FBXL17: variants seen among roughly 807,000 people sequenced by gnomAD.
FBXL17 encodes F-box/LRR-repeat protein 17.
In FBXL17, 22 loss-of-function variants were observed where a neutral mutation model predicts 66.2. The ratio of observed to expected loss-of-function variants is 0.33; its 90% CI spans 0.24 to 0.47. FBXL17 has a LOEUF of 0.47. Among genes scored for constraint, FBXL17 ranks in the 20% least tolerant of loss-of-function variants. The pLI, the probability that FBXL17 is intolerant of heterozygous loss-of-function variation, is 1.00. For missense variants in FBXL17, 878 were observed against 948.2 expected (o/e 0.93, Z 0.97); for synonymous variants, 474 against 400.5 (o/e 1.18, Z -2.19).
chr5:108,189,385 A>T (rs1465023858), intron 5 of FBXL17, among the ~76,000 whole-genome samples: 2 of 151,994 alleles, frequency 1.3e-5, no homozygotes, highest in Non-Finnish European at 2.9e-5. Context: ...GAAAAAAAGC[A>T]CAAGTCTCAG....
chr5:107,986,374 A>G (rs1274588282), intron 7 of FBXL17, among the ~76,000 whole-genome samples: 6 of 151,792 alleles, frequency 4.0e-5, no homozygotes, highest in Admixed American at 6.6e-5. Flanking sequence ...AAGGCTAAAA[A>G]AATTATAAGA....
Position 108,081,597 on chromosome 5 carries a change from T to C in FBXL17, c.1746-60596A>G, listed in dbSNP as rs560107630. On this transcript the variant is annotated intron_variant, in intron 6 of 8. Transcript: ENST00000542267. ...AAGTAGCCGGCCGTGGTGGCAGGCG[T>C]CTGTAGTCCCAGCTACTCGGGAGGC... Among the ~76,000 whole-genome samples, 50 of 152,028 alleles carry C rather than the reference T, an allele frequency of 3.3e-4. No homozygotes were observed. The South Asian group carries it at 7.9e-3, about 24-fold the overall frequency.
At chr5:107,969,747 C>T (rs1316357067) in intron 7 of FBXL17, among the ~76,000 whole-genome samples, 1 of 152,046 alleles carries the variant, frequency 6.6e-6, no homozygotes, top group African/African-American at 2.4e-5. Flanking sequence ...TAAACTACTG[C>T]TTGATCTTCC....
At chr5:108,369,282 A>T (rs1252403318) in intron 1 of FBXL17, among the ~76,000 whole-genome samples, 2 of 152,196 alleles carry the variant, frequency 1.3e-5, no homozygotes, top group Admixed American at 6.5e-5. Flanking sequence ...TTACCTAGCT[A>T]TAACCCAGTA....
chr5:108,315,272 C>G (rs554156686), intron 4 of FBXL17, among the ~76,000 whole-genome samples: 3 of 151,170 alleles, frequency 2.0e-5, no homozygotes, highest in Admixed American at 2.0e-4. Flanking sequence ...AGAAAATCAG[C>G]TTTAGTAACA....
intron 7 of FBXL17, among the ~76,000 whole-genome samples, chr5:107,885,757 G>A (rs1748944299): frequency 6.9e-6 from 1 of 144,680 alleles, no homozygotes. Flanking sequence ...CAAGTAACAG[G>A]AGAAGCATAA....
At chr5:108,107,598 G>T (rs1340240046) in intron 6 of FBXL17, among the ~76,000 whole-genome samples, 1 of 151,902 alleles carries the variant, frequency 6.6e-6, no homozygotes, top group African/African-American at 2.4e-5. Flanking sequence ...AGATCACGAG[G>T]TCAGGAGATT....
intron 7 of FBXL17, among the ~76,000 whole-genome samples, chr5:107,942,676 G>A (rs1380473248): frequency 1.3e-5 from 2 of 151,586 alleles, no homozygotes; most frequent in African/African-American, 4.9e-5. Context: ...TACTACTCTG[G>A]GATTTTGTCC....
At chr5:107,862,232 C>CTAA (rs1748143446) in intron 8 of FBXL17, among the ~76,000 whole-genome samples, 1 of 151,852 alleles carries the variant, frequency 6.6e-6, no homozygotes, top group Non-Finnish European at 1.5e-5. Flanking sequence ...ACCCGACAGC[C>CTAA]TTTTTAGGAC....
At chr5:108,155,590 C>G (rs997319868) in intron 6 of FBXL17, among the ~76,000 whole-genome samples, 1 of 152,126 alleles carries the variant, frequency 6.6e-6, no homozygotes, top group East Asian at 1.9e-4. Flanking sequence ...ACTCTCTGAA[C>G]TTTGAACAAT....
chr5:107,987,385 G>A (rs1041787072), intron 7 of FBXL17, among the ~76,000 whole-genome samples: 1 of 151,580 alleles, frequency 6.6e-6, no homozygotes, highest in African/African-American at 2.4e-5. Context: ...TACCTCCCTG[G>A]TGCTAAAGCC....
At chr5:108,118,119 T>C (rs2149961190) in intron 6 of FBXL17, among the ~76,000 whole-genome samples, 1 of 152,310 alleles carries the variant, frequency 6.6e-6, no homozygotes, top group South Asian at 2.1e-4. Flanking sequence ...AAGCCACTGT[T>C]TGTGCTTTCC....
rs549917052 is a variant in FBXL17 at position 108,379,776 on chromosome 5, A to T, written c.993+923T>A. Among the ~76,000 whole-genome samples the T allele has an allele frequency of 2.1e-3, 325 of 152,356 alleles. 1 individual carries two copies. Among genetic ancestry groups the T allele is most frequent in the African/African-American group, 7.6e-3 (316 of 41,584 alleles). ...ATAATAACTTAATAAAAACTCTATT[A>T]TGTAACTAAAGTTTGTCACTAGCAT... On this transcript the variant is annotated intron_variant, in intron 1 of 8. Coordinates refer to ENST00000542267, the MANE Select transcript of FBXL17 (RefSeq NM_001163315.3).
At chr5:108,150,109 T>A (rs1162190751) in intron 6 of FBXL17, among the ~76,000 whole-genome samples, 1 of 152,230 alleles carries the variant, frequency 6.6e-6, no homozygotes, top group East Asian at 1.9e-4. Context: ...CATTTGAAAG[T>A]AAATTTCAAA....
chr5:108,168,899 A>C (rs1200551496), intron 6 of FBXL17, among the ~76,000 whole-genome samples: 3 of 152,224 alleles, frequency 2.0e-5, no homozygotes, highest in Non-Finnish European at 4.4e-5. Context: ...ATTAAACATA[A>C]GGAAAATACT....
chr5:108,377,981 C>T (rs1221292331), intron 1 of FBXL17, among the ~76,000 whole-genome samples: 4 of 152,160 alleles, frequency 2.6e-5, no homozygotes, highest in African/African-American at 7.2e-5. Flanking sequence ...AACCACAAGT[C>T]ATTGACTAAA....
chr5:108,341,526 T>C (rs1303683121), intron 4 of FBXL17, among the ~76,000 whole-genome samples: 1 of 152,132 alleles, frequency 6.6e-6, no homozygotes, highest in Non-Finnish European at 1.5e-5. Context: ...ACAGCTGTTA[T>C]TACTCCTTTT....
intron 6 of FBXL17, among the ~76,000 whole-genome samples, chr5:108,042,735 G>A (rs561079099): frequency 1.3e-5 from 2 of 152,200 alleles, no homozygotes; most frequent in East Asian, 3.9e-4. Flanking sequence ...ATAGACTTTT[G>A]TCTTCATTTC....
intron 6 of FBXL17, among the ~76,000 whole-genome samples, chr5:108,113,981 T>C (rs10479427): frequency 0.31 from 47,206 of 152,058 alleles, 8,274 homozygotes; most frequent in Admixed American, 0.4. Flanking sequence ...CTTTTACACA[T>C]AGAACAAATG....
Sources: gnomAD v4.1 joint callset for allele counts (sites outside exome capture counted in the v4.1 genomes callset) on GRCh38, gnomAD v4.1.1 for gene constraint, MANE v1.5 for transcripts, NCBI Gene and HGNC (gene_info 2026-07-23, HGNC 2026-07-21) for gene names.